RANGAP1: variants seen among roughly 807,000 people sequenced by gnomAD.
The protein encoded by RANGAP1 is ran GTPase-activating protein 1.
A neutral mutation model predicts 63.5 loss-of-function variants in RANGAP1; 38 were observed. That is an observed-to-expected ratio of 0.60 (90% CI 0.46 to 0.78). RANGAP1 has a LOEUF of 0.78. Among genes scored for constraint, RANGAP1 ranks in the 30% least tolerant of loss-of-function variants. The pLI is 0.00. For missense variants in RANGAP1, 630 were observed against 740.3 expected (o/e 0.85, Z 1.73); for synonymous variants, 329 against 310.5 (o/e 1.06, Z -0.63).
At chr22:41,271,402 A>AC (rs1419573365) in intron 3 of RANGAP1, among the ~76,000 whole-genome samples, 31 of 149,956 alleles carry the variant, frequency 2.1e-4, no homozygotes, top group African/African-American at 5.2e-4. Context: ...AAAACAAAAA[A>AC]AAAAAACAAA....
chr22:41,281,048 G>T lies in RANGAP1; in HGVS notation c.-4C>A, dbSNP rs766912980. ...TGGCAATGTCTTCCGAGGCCATGTT[G>T]ACTAGGCTGGTGGGCTCCCCTGGAG... On this transcript the variant is annotated 5_prime_UTR_variant, in exon 2 of 16. Coordinates refer to ENST00000356244, the MANE Select transcript of RANGAP1 (RefSeq NM_002883.4). The T allele has an allele frequency of 6.3e-7, 1 of 1,592,268 alleles. No individual in the cohort carries two copies. Among genetic ancestry groups the T allele is most frequent in the Non-Finnish European group, 8.5e-7 (1 of 1,170,842 alleles).
At chr22:41,248,411 C>T (rs1002715457) in intron 15 of RANGAP1, among the ~76,000 whole-genome samples, 24 of 152,336 alleles carry the variant, frequency 1.6e-4, no homozygotes, top group African/African-American at 4.3e-4. Context: ...AGGGCTGCCG[C>T]GGCACCAGCT....
the RANGAP1 span, among the ~76,000 whole-genome samples, chr22:41,293,943 A>C: frequency 6.6e-6 from 1 of 151,804 alleles, no homozygotes; most frequent in Non-Finnish European, 1.5e-5. Context: ...GATTATAGGC[A>C]TGAGCCACCG....
At chr22:41,280,193 G>A (rs1282923968) in intron 2 of RANGAP1, among the ~76,000 whole-genome samples, 1 of 152,190 alleles carries the variant, frequency 6.6e-6, no homozygotes, top group Non-Finnish European at 1.5e-5. Flanking sequence ...AGCTACCCAA[G>A]GACTCAAGCA....
chr22:41,282,723 A>G (rs1265222323), intron 1 of RANGAP1, among the ~76,000 whole-genome samples: 1 of 152,234 alleles, frequency 6.6e-6, no homozygotes, highest in Non-Finnish European at 1.5e-5. Context: ...AAATGTCTCA[A>G]TGTGTACTGC....
In RANGAP1 at chr22:41,286,169, C is replaced by G. The variant is rs1050217895; in HGVS notation, c.-222G>C. ...CGGCCTCACGCGCTTCCAGCACCAC[C>G]TGCTCTCCGCACCGCGGCGGATGAT... On this transcript the variant is annotated 5_prime_UTR_variant, in exon 1 of 16. Coordinates refer to ENST00000356244, the MANE Select transcript of RANGAP1 (RefSeq NM_002883.4). 6.6e-6 allele frequency: 1 copy of G among 152,396 alleles called. No individual in the cohort carries two copies. Among genetic ancestry groups the G allele is most frequent in the Non-Finnish European group, 1.5e-5 (1 of 68,140 alleles). The allele number at this position is 152,396 out of a possible 1,614,324, so 9.4% of individuals were successfully genotyped here.
the RANGAP1 span, among the ~76,000 whole-genome samples, chr22:41,300,817 A>G: frequency 6.6e-6 from 1 of 152,058 alleles, no homozygotes; most frequent in Non-Finnish European, 1.5e-5. Context: ...ACCATTCCCC[A>G]GGTGATGTCT....
chr22:41,293,010 C>T, the RANGAP1 span, among the ~76,000 whole-genome samples: 7 of 151,170 alleles, frequency 4.6e-5, no homozygotes, highest in African/African-American at 1.2e-4. Flanking sequence ...CCGAGGCGGG[C>T]GGATCACGAG....
rs1042590141 is a variant in RANGAP1, at chr22:41,274,461, G to A, written c.240+139C>T. The A allele has an allele frequency of 2.3e-6, 3 of 1,292,024 alleles. No individual in the cohort carries two copies. In the Admixed American group the frequency reaches 7.0e-5, roughly 30 times the overall value. The allele number at this position is 1,292,024 out of a possible 1,614,324, so 80.0% of individuals were successfully genotyped here. ...TAGCCAATGCTGTGTGCCCTGGGGA[G>A]GCCAGAGGAAGAGGAGCTGCTTGGG... On this transcript the variant is annotated intron_variant, in intron 3 of 15. Coordinates refer to ENST00000356244, the MANE Select transcript of RANGAP1 (RefSeq NM_002883.4).
In RANGAP1 at chr22:41,281,035, C is replaced by A; in HGVS notation, c.10G>T (p.Glu4Ter). 6.2e-7 allele frequency: 1 copy of A among 1,603,296 alleles called. No homozygotes were observed. The highest frequency in any genetic ancestry group is 1.1e-5 in the South Asian group (1 of 89,324). Residue 4 changes from glutamate to a stop codon, truncating the protein, a stop_gained, in exon 2 of 16, where the codon GAA becomes TAA. Transcript: ENST00000356244. LOFTEE classifies it high-confidence loss of function. MAS[E>*]DIAKLAETLA... The stretch of plus-strand genomic sequence containing the variant: ...GTCTCTGCCAGCTTGGCAATGTCTT[C>A]CGAGGCCATGTTGACTAGGCTGGTG...
chr22:41,277,627 C>T (rs2035236387), intron 2 of RANGAP1: 1 of 595,468 alleles, frequency 1.7e-6, no homozygotes, highest in Non-Finnish European at 2.3e-6. Context: ...GCAGGGGCTC[C>T]CTAAGAAGTT....
rs1282529757 is a variant in RANGAP1, at chr22:41,246,689, G to T, written c.1695-17C>A. 8.4e-6 allele frequency: 13 copies of T among 1,545,894 alleles called. No homozygotes were observed. Among genetic ancestry groups the T allele is most frequent in the Non-Finnish European group, 3.5e-6 (4 of 1,138,006 alleles). On this transcript the variant is annotated splice_polypyrimidine_tract_variant and intron_variant, in intron 15 of 15. Transcript: ENST00000356244. ...CTGTTGGGCCTGCGGGGAAAGAGGG[G>T]TCAGCAGGTCGGTGGATGCCTCTTG...
upstream of RANGAP1, among the ~76,000 whole-genome samples, chr22:41,288,025 T>C (rs2035794034): frequency 6.6e-6 from 1 of 152,088 alleles, no homozygotes; most frequent in Non-Finnish European, 1.5e-5. Context: ...TAACAGATCA[T>C]GCCATATCCT....
chr22:41,250,080 T>A (rs1254628597), intron 13 of RANGAP1, among the ~76,000 whole-genome samples: 1 of 152,240 alleles, frequency 6.6e-6, no homozygotes, highest in Non-Finnish European at 1.5e-5. Context: ...GGCATGGGGA[T>A]GACACCCACT....
chr22:41,246,146 A>G lies in RANGAP1; in HGVS notation c.*457T>C. ...GGGCTTGGTGACGAGAAGCAGCCCCAGGCAGGGCAGGAAACAACCCAATCA... is the reference window on the plus strand; with the variant it reads ...GGGCTTGGTGACGAGAAGCAGCCCCGGGCAGGGCAGGAAACAACCCAATCA... On this transcript the variant is annotated 3_prime_UTR_variant, in exon 16 of 16. Transcript: ENST00000356244. 1 of 173,344 alleles carries G rather than the reference A, an allele frequency of 5.8e-6. No homozygotes were observed. The highest frequency in any genetic ancestry group is 1.2e-5 in the Non-Finnish European group (1 of 80,832). 10.7% of individuals were successfully genotyped at this position (173,344 alleles called of 1,614,324 possible).
the RANGAP1 span, among the ~76,000 whole-genome samples, chr22:41,301,276 G>A: frequency 6.6e-6 from 1 of 152,202 alleles, no homozygotes; most frequent in Non-Finnish European, 1.5e-5. Context: ...GGGCGGAGGC[G>A]CTGGGTTTGA....
chr22:41,275,944 T>C (rs1014323253), intron 2 of RANGAP1, among the ~76,000 whole-genome samples: 1 of 152,074 alleles, frequency 6.6e-6, no homozygotes, highest in African/African-American at 2.4e-5. Flanking sequence ...AGACCCTGCC[T>C]TCTCAAAACA....
At chr22:41,255,303 C>T (rs1351902779) in intron 10 of RANGAP1, among the ~76,000 whole-genome samples, 1 of 152,124 alleles carries the variant, frequency 6.6e-6, no homozygotes, top group Non-Finnish European at 1.5e-5. Context: ...GGCCTAGCAC[C>T]GAGGAGACAC....
the RANGAP1 span, among the ~76,000 whole-genome samples, chr22:41,297,138 G>C: frequency 6.6e-6 from 1 of 152,150 alleles, no homozygotes; most frequent in Non-Finnish European, 1.5e-5. Flanking sequence ...TGAACTCCTG[G>C]GAGGTGGAGG....
Sources: allele counts gnomAD v4.1 joint callset (sites outside exome capture counted in the v4.1 genomes callset), GRCh38; gene constraint gnomAD v4.1.1; transcripts MANE v1.5; gene names NCBI Gene and HGNC (gene_info 2026-07-23, HGNC 2026-07-21).